The following CD5 variants were observed in gnomAD, a reference collection of about 807,000 sequenced individuals.
CD5 encodes T-cell surface glycoprotein CD5.
A neutral mutation model predicts 60.3 loss-of-function variants in CD5; 36 were observed. The ratio of observed to expected loss-of-function variants is 0.60; its 90% CI spans 0.46 to 0.79. The LOEUF is 0.79. Ranked by LOEUF, CD5 falls within the 30% of genes least tolerant of loss-of-function variation. CD5 has a pLI of 0.00. For missense variants in CD5, 540 were observed against 630.6 expected (o/e 0.86, Z 1.54); for synonymous variants, 230 against 257.6 (o/e 0.89, Z 1.03).
intron 8 of CD5, 107 bp from the exon 9 acceptor site, chr11:61,124,925 C>G: frequency 7.2e-7 from 1 of 1,394,092 alleles, no homozygotes. Flanking sequence ...TTTGTCCTCT[C>G]CCCGCTAACA....
At chr11:61,106,615 G>A (rs79293969) in intron 1 of CD5, among the ~76,000 whole-genome samples, 3,776 of 152,288 alleles carry the variant, frequency 0.025, 72 homozygotes, top group Non-Finnish European at 0.035. Context: ...GTGACCAGGC[G>A]GCGAATTCAG....
upstream of CD5, among the ~76,000 whole-genome samples, chr11:61,101,410 A>C (rs1395311704): frequency 1.4e-5 from 2 of 145,068 alleles, no homozygotes; most frequent in African/African-American, 2.5e-5. Flanking sequence ...GTCAACATGG[A>C]GATCACATTC....
chr11:61,127,020 G>T lies in CD5; in HGVS notation c.*735G>T, dbSNP rs2186409. 0.74 allele frequency: 112,770 copies of T among 152,230 alleles called. 43,305 individuals are homozygous for T. The highest frequency in any genetic ancestry group is 1 in the East Asian group (5,138 of 5,154). 9.4% of individuals were successfully genotyped at this position (152,230 alleles called of 1,614,324 possible). A position where few individuals can be genotyped will look rare whatever the true frequency, so the allele number is the denominator to read the frequency against. On this transcript the variant is annotated 3_prime_UTR_variant, in exon 11 of 11. Transcript: ENST00000347785. ...AGGGCACCAGTGCCACCCAGGGCCC[G>T]GCACAAAGGGGCGCCTAGTAAACCT... is the stretch of plus-strand genomic sequence containing the variant.
chr11:61,125,640 G>A (rs967320727), intron 9 of CD5, 111 bp from the exon 10 acceptor site: 28 of 633,684 alleles, frequency 4.4e-5, no homozygotes, highest in East Asian at 8.7e-5. Context: ...GGTTGTCACC[G>A]GCTCATAAAG....
chr11:61,115,160 C>A, intron 2 of CD5, 66 bp downstream of exon 2: 1 of 1,406,474 alleles, frequency 7.1e-7, no homozygotes, highest in Non-Finnish European at 9.7e-7. Flanking sequence ...TTTCATCAGG[C>A]CATCGGGGAC....
At chr11:61,113,467 TTCCCTGGGCCTG>T (rs1309323195) in intron 1 of CD5, among the ~76,000 whole-genome samples, 25 of 152,332 alleles carry the variant, frequency 1.6e-4, no homozygotes, top group African/African-American at 6.0e-4. Context: ...CAGACCCGTG[TTCCCTGGGCCTG>T]TCGCCTTGGC....
At chr11:61,102,448 CTCCCTGAGCACGCCACCCCGCCCT>C, upstream of CD5, 6 of 555,762 alleles carry the variant, frequency 1.1e-5, no homozygotes, top group South Asian at 1.8e-5. Flanking sequence ...CGTCCCACCC[CTCCCTGAGCACGCCACCCCGCCCT>C]CTCCCTCTCT....
intron 2 of CD5, among the ~76,000 whole-genome samples, chr11:61,116,677 CACTACACACA>C (rs1860963449): frequency 7.3e-6 from 1 of 137,190 alleles, no homozygotes; most frequent in Non-Finnish European, 1.6e-5. Flanking sequence ...CACACACACA[CACTACACACA>C]CCACATACAC....
chr11:61,115,656 G>A (rs1398375832), intron 2 of CD5, among the ~76,000 whole-genome samples: 6 of 152,230 alleles, frequency 3.9e-5, no homozygotes, highest in Non-Finnish European at 5.9e-5. Context: ...ATCCTGCAGC[G>A]AAGAAATACA....
chr11:61,125,045 C>T lies in CD5; in HGVS notation c.1293C>T (p.Arg431=). 1.2e-6 allele frequency: 2 copies of T among 1,614,112 alleles called. No homozygotes were observed. The highest frequency in any genetic ancestry group is 1.7e-6 in the Non-Finnish European group (2 of 1,179,994). The change falls in exon 9 of 11, where the codon CGC becomes CGT. Residue 431 remains arginine, a synonymous_variant. Coordinates refer to ENST00000347785, the MANE Select transcript of CD5 (RefSeq NM_014207.4). ...CCATCTGCCCAGTGTCTTTCCATCG[C>T]AACCACACGGCAACCGTCCGATCCC... ...TGMNQNMSFH[R]NHTATVRSHA...
chr11:61,100,511 CAT>C (rs1280361855), upstream of CD5, among the ~76,000 whole-genome samples: 1 of 146,328 alleles, frequency 6.8e-6, no homozygotes, highest in African/African-American at 2.5e-5. Flanking sequence ...CACATTCACA[CAT>C]ATCAACATGG....
chr11:61,096,542 G>T, the CD5 span, among the ~76,000 whole-genome samples: 116 of 152,306 alleles, frequency 7.6e-4, no homozygotes, highest in Non-Finnish European at 1.8e-4. Context: ...CCTGCTCGGT[G>T]GGGGGACATG....
intron 1 of CD5, among the ~76,000 whole-genome samples, chr11:61,105,746 A>T (rs2134593257): frequency 6.6e-6 from 1 of 152,260 alleles, no homozygotes; most frequent in South Asian, 2.1e-4. Flanking sequence ...TGTGCAAAAC[A>T]CTGGGGATAC....
chr11:61,102,397 C>T (rs1450427852), upstream of CD5: 2 of 610,946 alleles, frequency 3.3e-6, no homozygotes, highest in Non-Finnish European at 5.8e-6. Flanking sequence ...GACAGTTCAA[C>T]TTCAAACATG....
At chr11:61,116,666 C>CCA (rs376831211) in intron 2 of CD5, among the ~76,000 whole-genome samples, 1 of 18,704 alleles carries the variant, frequency 5.3e-5, no homozygotes, top group African/African-American at 8.6e-5. Context: ...ACCACACACA[C>CCA]CACACACACA....
chr11:61,127,547 C>G lies in CD5; in HGVS notation c.*1262C>G, dbSNP rs1445932789. 2 of 152,340 alleles carry G rather than the reference C, an allele frequency of 1.3e-5. No homozygotes were observed. The highest frequency in any genetic ancestry group is 2.9e-5 in the Non-Finnish European group (2 of 68,120). The allele number at this position is 152,340 out of a possible 1,614,324, so 9.4% of individuals were successfully genotyped here. On this transcript the variant is annotated 3_prime_UTR_variant, in exon 11 of 11. Coordinates refer to ENST00000347785, the MANE Select transcript of CD5 (RefSeq NM_014207.4). Reference sequence around the variant, plus strand: ...CCCCACCAACACCCTCCAACCAGGCCTTGCCTTCTGAGAGCCCCCGTGGCC... The same window carrying G: ...CCCCACCAACACCCTCCAACCAGGCGTTGCCTTCTGAGAGCCCCCGTGGCC...
intron 7 of CD5, among the ~76,000 whole-genome samples, chr11:61,123,462 G>A (rs1861098804): frequency 6.6e-6 from 1 of 152,112 alleles, no homozygotes. Flanking sequence ...ATGGGCAATC[G>A]CACACCTTGT....
At position 61,118,537 on chromosome 11, in the gene CD5, A is replaced by T; in HGVS notation, c.400+57A>T. On this transcript the variant is annotated intron_variant, in intron 3 of 10. Transcript: ENST00000347785. The surrounding 1 kb of genome is among the most constrained non-coding windows in gnomAD (Gnocchi z 4.7). ...GGGCCTGGGCGCCAGCCCCGAGGAGACTGCCCGAGGCCTGTGATCTAGGGT... is the reference window on the plus strand; with the variant it reads ...GGGCCTGGGCGCCAGCCCCGAGGAGTCTGCCCGAGGCCTGTGATCTAGGGT... The T allele has an allele frequency of 6.5e-7, 1 of 1,547,922 alleles. No homozygotes were observed. The highest frequency in any genetic ancestry group is 8.8e-7 in the Non-Finnish European group (1 of 1,134,238).
At chr11:61,108,521 G>A (rs1221045010) in intron 1 of CD5, among the ~76,000 whole-genome samples, 1 of 152,288 alleles carries the variant, frequency 6.6e-6, no homozygotes, top group African/African-American at 2.4e-5. Context: ...GGTCCTTTAC[G>A]ACCTTCGTTT....
Sources: gnomAD v4.1 joint callset for allele counts (sites outside exome capture counted in the v4.1 genomes callset) on GRCh38, gnomAD v4.1.1 for gene constraint, Gnocchi (gnomAD v3.1) non-coding constraint, MANE v1.5 for transcripts, NCBI Gene and HGNC (gene_info 2026-07-23, HGNC 2026-07-21) for gene names.